CYP3A43: variants seen among roughly 807,000 people sequenced by gnomAD.
The protein encoded by CYP3A43 is cytochrome P450 3A43.
CYP3A43 carries 45 observed loss-of-function variants against 58.0 expected under a neutral mutation model. The ratio of observed to expected loss-of-function variants is 0.78; its 90% confidence interval spans 0.61 to 0.99. CYP3A43 has a LOEUF of 0.99. CYP3A43 is among the 50% of genes least tolerant of loss of function. CYP3A43 has a pLI of 0.00. For missense variants in CYP3A43, 593 were observed against 591.9 expected, an observed-to-expected ratio of 1.00 and a Z score of -0.02; for synonymous variants, 191 against 201.4, an observed-to-expected ratio of 0.95 and a Z score of 0.44.
chr7:99,859,013 C>T (rs1330890418), intron 9 of CYP3A43, among the ~76,000 whole-genome samples: 3 of 151,900 alleles, frequency 2.0e-5, no homozygotes, highest in South Asian at 2.1e-4. Flanking sequence ...ATTAAAACCA[C>T]TCATTGGACT....
chr7:99,849,728 CT>C, intron 7 of CYP3A43, 34 bp downstream of exon 7: 1 of 1,532,850 alleles, frequency 6.5e-7, no homozygotes, highest in African/African-American at 1.4e-5. Flanking sequence ...CTCTCTCTCT[CT>C]CTCTCTCATC....
At chr7:99,830,634 T>A (rs1056468436) in intron 1 of CYP3A43, among the ~76,000 whole-genome samples, 23 of 152,316 alleles carry the variant, frequency 1.5e-4, no homozygotes, top group African/African-American at 5.5e-4. Flanking sequence ...ATGACTTTTG[T>A]TTATCATGCT....
chr7:99,840,772 C>G (rs1452070215), intron 3 of CYP3A43, among the ~76,000 whole-genome samples: 5 of 152,184 alleles, frequency 3.3e-5, no homozygotes, highest in Admixed American at 1.3e-4. Context: ...CAATAAACCT[C>G]TATCAATCAA....
At chr7:99,845,904 C>G (rs1433067320) in intron 4 of CYP3A43, among the ~76,000 whole-genome samples, 1 of 151,752 alleles carries the variant, frequency 6.6e-6, no homozygotes, top group Non-Finnish European at 1.5e-5. Context: ...CCCTCCCAAG[C>G]AGCTGGGATT....
At chr7:99,853,482 C>T (rs929095737) in intron 7 of CYP3A43, among the ~76,000 whole-genome samples, 1 of 144,252 alleles carries the variant, frequency 6.9e-6, no homozygotes, top group Non-Finnish European at 1.5e-5. Flanking sequence ...GACTAGTAAA[C>T]TGAGTCATCT....
chr7:99,853,538 T>C (rs928129644), intron 7 of CYP3A43, among the ~76,000 whole-genome samples: 2 of 152,206 alleles, frequency 1.3e-5, no homozygotes, highest in Non-Finnish European at 1.5e-5. Flanking sequence ...ATTTTGATGA[T>C]ATTTTCTTTT....
chr7:99,832,546 G>C (rs1183419663), intron 1 of CYP3A43, among the ~76,000 whole-genome samples: 1 of 130,880 alleles, frequency 7.6e-6, no homozygotes, highest in South Asian at 3.1e-4. Context: ...GTTGTGGGGT[G>C]GGGGGAGGGG....
At chr7:99,833,492 G>A (rs936454274) in intron 1 of CYP3A43, among the ~76,000 whole-genome samples, 1 of 152,236 alleles carries the variant, frequency 6.6e-6, no homozygotes, top group Admixed American at 6.5e-5. Context: ...GGGAAACAGG[G>A]TCTTTGCAAT....
Position 99,844,185 on chromosome 7 carries a change from C to T in CYP3A43, c.261C>T (p.Pro87=), listed in dbSNP as rs764610145. The part of the protein sequence containing the change: ...GQQPMLVIMD[P]DMIKTVLVKE... Reference sequence around the variant, plus strand: ...AGCCCATGCTGGTCATCATGGATCCCGACATGATCAAAACAGTGTTAGTGA... The same window carrying T: ...AGCCCATGCTGGTCATCATGGATCCTGACATGATCAAAACAGTGTTAGTGA... The change falls in exon 4 of 13, where the codon CCC becomes CCT. Residue 87 remains proline (P), a synonymous_variant. Transcript: ENST00000354829. 13 of 1,613,700 alleles carry T rather than the reference C, an allele frequency of 8.1e-6. No individual in the cohort carries two copies. The highest frequency in any genetic ancestry group is 4.5e-5 in the East Asian group (2 of 44,860).
At chr7:99,840,079 C>T (rs777606112) in intron 3 of CYP3A43, among the ~76,000 whole-genome samples, 1 of 152,198 alleles carries the variant, frequency 6.6e-6, no homozygotes, top group Non-Finnish European at 1.5e-5. Flanking sequence ...CCCGTGCAAG[C>T]TTCCAGCTTG....
chr7:99,834,449 T>C (rs1317052926), intron 1 of CYP3A43, among the ~76,000 whole-genome samples: 1 of 152,134 alleles, frequency 6.6e-6, no homozygotes, highest in Non-Finnish European at 1.5e-5. Context: ...ATCCTAAGAG[T>C]TCCCCTGGCT....
At chr7:99,861,338 T>C (rs1402682924) in intron 10 of CYP3A43, among the ~76,000 whole-genome samples, 2 of 152,186 alleles carry the variant, frequency 1.3e-5, no homozygotes, top group Non-Finnish European at 2.9e-5. Flanking sequence ...TCATGTTTGT[T>C]CTCCCAAGAA....
intron 7 of CYP3A43, chr7:99,850,004 C>CCGGA (rs1320620293): frequency 1.8e-5 from 8 of 441,216 alleles, no homozygotes; most frequent in Non-Finnish European, 2.6e-5. Context: ...GTTGCCTAGG[C>CCGGA]CGGAGTGCAT....
At chr7:99,840,236 A>G (rs1016199378) in intron 3 of CYP3A43, among the ~76,000 whole-genome samples, 1 of 152,192 alleles carries the variant, frequency 6.6e-6, no homozygotes, top group South Asian at 2.1e-4. Flanking sequence ...TCTGGCTCCT[A>G]TATCAATAGA....
chr7:99,840,150 G>C (rs1817274693), intron 3 of CYP3A43, among the ~76,000 whole-genome samples: 1 of 152,096 alleles, frequency 6.6e-6, no homozygotes, highest in African/African-American at 2.4e-5. Context: ...GAAATGATTT[G>C]GGGGGCTGCT....
At chr7:99,857,306 T>G (rs565912436) in intron 9 of CYP3A43, among the ~76,000 whole-genome samples, 48 of 152,316 alleles carry the variant, frequency 3.2e-4, no homozygotes, top group Non-Finnish European at 5.4e-4. Context: ...ACAAGGTTAA[T>G]CTACTGACGG....
chr7:99,847,856 A>G (rs1584219904), intron 5 of CYP3A43: 1 of 517,358 alleles, frequency 1.9e-6, no homozygotes, highest in Non-Finnish European at 3.4e-6. Context: ...TACTAAAAAT[A>G]CAAAAATTAG....
chr7:99,835,021 T>C (rs1584197972), intron 1 of CYP3A43, among the ~76,000 whole-genome samples: 1 of 152,202 alleles, frequency 6.6e-6, no homozygotes, highest in African/African-American at 2.4e-5. Context: ...GGGCACCGGC[T>C]GATCAAAATG....
intron 3 of CYP3A43, among the ~76,000 whole-genome samples, chr7:99,840,717 C>A (rs1037067554): frequency 2.0e-5 from 3 of 152,172 alleles, no homozygotes; most frequent in African/African-American, 7.2e-5. Context: ...GTCGCAGCTA[C>A]CCCTGTGGCT....
Sources: allele counts gnomAD v4.1 joint callset (sites outside exome capture counted in the v4.1 genomes callset), GRCh38; gene constraint gnomAD v4.1.1; transcripts MANE v1.5; gene names NCBI Gene and HGNC (gene_info 2026-07-23, HGNC 2026-07-21).